The following CTNNB1 variants were observed in gnomAD, a reference collection of about 807,000 sequenced individuals.
The protein encoded by CTNNB1 is catenin beta 1.
Under a neutral mutation model 82.5 loss-of-function variants are expected in CTNNB1, and 6 were observed. The ratio of observed to expected loss-of-function variants is 0.07; its 90% CI spans 0.04 to 0.14. CTNNB1 has a LOEUF of 0.14. Ranked by LOEUF, CTNNB1 falls within the 10% of genes least tolerant of loss-of-function variation. The probability of loss-of-function intolerance (pLI) is 1.00; values close to 1 mark genes in which losing one functional copy is unlikely to be tolerated. For missense variants in CTNNB1, 529 were observed against 980.4 expected, an observed-to-expected ratio of 0.54 and a Z score of 6.15; for synonymous variants, 312 against 329.7, an observed-to-expected ratio of 0.95 and a Z score of 0.58.
At chr3:41,211,072 T>C (rs1405151470) in intron 1 of CTNNB1, 1 of 456,434 alleles carries the variant, frequency 2.2e-6, no homozygotes, top group African/African-American at 2.0e-5. Context: ...GGATTACAGG[T>C]AAGAGCCACC....
intron 7 of CTNNB1, among the ~76,000 whole-genome samples, chr3:41,228,185 C>T (rs776029763): frequency 6.6e-6 from 1 of 152,072 alleles, no homozygotes; most frequent in Non-Finnish European, 1.5e-5. Flanking sequence ...TGAACATATG[C>T]ATGCATGTGT....
At chr3:41,203,092 C>T (rs891074270) in intron 1 of CTNNB1, among the ~76,000 whole-genome samples, 6 of 151,114 alleles carry the variant, frequency 4.0e-5, no homozygotes, top group Admixed American at 3.3e-4. Context: ...AGACATTCCC[C>T]ACTCTCCAAG....
At chr3:41,221,554 G>A (rs2078049675) in intron 1 of CTNNB1, 2 of 152,158 alleles carry the variant, frequency 1.3e-5, no homozygotes, top group South Asian at 4.2e-4. Flanking sequence ...GTGTTGTCCA[G>A]GCTGGTCTTG....
chr3:41,236,741 A>G (rs766217066), intron 13 of CTNNB1, 32 bp downstream of exon 13: 3 of 1,613,682 alleles, frequency 1.9e-6, no homozygotes, highest in Non-Finnish European at 2.5e-6. Context: ...TTTATCTGGT[A>G]GTTTCCTAGA....
intron 1 of CTNNB1, among the ~76,000 whole-genome samples, chr3:41,220,163 A>C (rs2078008981): frequency 6.6e-6 from 1 of 152,006 alleles, no homozygotes; most frequent in Admixed American, 6.6e-5. Context: ...GAAACATACT[A>C]ATTTTTCCCA....
chr3:41,236,033 A>T, intron 11 of CTNNB1, 190 bp downstream of exon 11: 1 of 771,430 alleles, frequency 1.3e-6, no homozygotes, highest in Non-Finnish European at 2.1e-6. Flanking sequence ...TTCACATTTC[A>T]CTTTTATGGG....
At chr3:41,238,772 C>G (rs1419001850) in intron 14 of CTNNB1, among the ~76,000 whole-genome samples, 1 of 152,186 alleles carries the variant, frequency 6.6e-6, no homozygotes, top group African/African-American at 2.4e-5. Flanking sequence ...CTTCCCATGA[C>G]TTCTCACTGC....
intron 1 of CTNNB1, among the ~76,000 whole-genome samples, chr3:41,209,980 C>T (rs1263999266): frequency 6.6e-6 from 1 of 152,178 alleles, no homozygotes; most frequent in South Asian, 2.1e-4. Context: ...CTATAATAAA[C>T]CTTAAATTAC....
intron 1 of CTNNB1, among the ~76,000 whole-genome samples, chr3:41,201,567 T>C (rs1184130621): frequency 6.6e-6 from 1 of 152,118 alleles, no homozygotes; most frequent in Non-Finnish European, 1.5e-5. Flanking sequence ...AAGTTTGAAG[T>C]CCTGGGGGTG....
At position 41,239,004 on chromosome 3, in the gene CTNNB1, C is replaced by T. The variant is rs186065390; in HGVS notation, c.2138-130C>T. 4.7e-5 allele frequency: 37 copies of T among 791,442 alleles called. No individual in the cohort carries two copies. In the African/African-American group the frequency reaches 5.2e-4, roughly 11 times the overall value. The allele number at this position is 791,442 out of a possible 1,614,324, so 49.0% of individuals were successfully genotyped here. On this transcript the variant is annotated intron_variant, in intron 14 of 14. Transcript: ENST00000349496. ...GCTGGAGGTTGAAGAGGCTAGAAAG[C>T]GTTGTTTTCTGACAAGTTTGCTGCT...
intron 10 of CTNNB1, 104 bp from the exon 11 acceptor site, chr3:41,235,620 C>T (rs1424913413): frequency 1.6e-5 from 24 of 1,476,218 alleles, no homozygotes; most frequent in South Asian, 1.1e-4. Flanking sequence ...TTGCAAGTTA[C>T]GGGGAACTTC....
At chr3:41,211,933 G>C (rs904711919) in intron 1 of CTNNB1, among the ~76,000 whole-genome samples, 1 of 152,122 alleles carries the variant, frequency 6.6e-6, no homozygotes, top group Non-Finnish European at 1.5e-5. Context: ...ACAATAAATC[G>C]TGTAACTTTT....
chr3:41,226,081 C>T (rs1461466869), intron 6 of CTNNB1, among the ~76,000 whole-genome samples: 2 of 152,134 alleles, frequency 1.3e-5, no homozygotes, highest in South Asian at 2.1e-4. Context: ...CTAGATCCCT[C>T]GCATGTGCAG....
chr3:41,238,202 C>T (rs1194772669), intron 14 of CTNNB1, 126 bp downstream of exon 14: 1 of 833,686 alleles, frequency 1.2e-6, no homozygotes, highest in Non-Finnish European at 2.1e-6. Flanking sequence ...CAATTAAAAG[C>T]AGTTCTTAAA....
rs748732228 is a variant in CTNNB1, at chr3:41,233,877, C to T, written c.1524+10C>T. 8.7e-6 allele frequency: 14 copies of T among 1,611,474 alleles called. No individual in the cohort carries two copies. The East Asian group carries it at 3.1e-4, about 36-fold the overall frequency. On this transcript the variant is annotated intron_variant, in intron 9 of 14. Coordinates refer to ENST00000349496, the MANE Select transcript of CTNNB1 (RefSeq NM_001904.4). ...CTGGCCTCTGATAAAGGTAAATTGT[C>T]AAAGTAGAATTTACCTTTGTTGCAG...
At chr3:41,208,753 A>T (rs1017077316) in intron 1 of CTNNB1, among the ~76,000 whole-genome samples, 3 of 152,144 alleles carry the variant, frequency 2.0e-5, no homozygotes, top group Non-Finnish European at 4.4e-5. Flanking sequence ...AGATAAGGCC[A>T]CTCAGTTCAT....
intron 6 of CTNNB1, among the ~76,000 whole-genome samples, chr3:41,226,666 T>G (rs147575855): frequency 6.6e-6 from 1 of 152,318 alleles, no homozygotes; most frequent in East Asian, 1.9e-4. Context: ...ATGGGAAATT[T>G]CAGCAGAAGC....
chr3:41,236,746 C>T (rs2125647714), intron 13 of CTNNB1, 37 bp downstream of exon 13: 11 of 1,613,610 alleles, frequency 6.8e-6, no homozygotes, highest in Non-Finnish European at 9.3e-6. Context: ...CTGGTAGTTT[C>T]CTAGAGCAGG....
intron 1 of CTNNB1, among the ~76,000 whole-genome samples, chr3:41,219,026 A>T (rs2077979528): frequency 6.6e-6 from 1 of 152,238 alleles, no homozygotes; most frequent in Non-Finnish European, 1.5e-5. Context: ...GTATAAAATT[A>T]TATTTTGGAA....
Sources: allele counts gnomAD v4.1 joint callset (sites outside exome capture counted in the v4.1 genomes callset), GRCh38; gene constraint gnomAD v4.1.1; transcripts MANE v1.5; gene names NCBI Gene and HGNC (gene_info 2026-07-23, HGNC 2026-07-21).